Variants in MAP3K19 observed in about 807,000 individuals in gnomAD.
MAP3K19 encodes the protein SPS1/STE20-related protein kinase YSK4.
A neutral mutation model predicts 114.4 loss-of-function variants in MAP3K19; 91 were observed. That is an observed-to-expected ratio of 0.80 (90% CI 0.67 to 0.95). The LOEUF is 0.95. Ranked by LOEUF, MAP3K19 falls within the 40% of genes least tolerant of loss-of-function variation. The pLI is 0.00. For missense variants in MAP3K19, 1,471 were observed against 1,573.2 expected, an observed-to-expected ratio of 0.94 and a Z score of 1.10; for synonymous variants, 518 against 530.5, an observed-to-expected ratio of 0.98 and a Z score of 0.32.
intron 11 of MAP3K19, chr2:134,983,058 G>A: frequency 2.7e-6 from 1 of 375,756 alleles, no homozygotes; most frequent in Non-Finnish European, 5.3e-6. Context: ...TTTGTGTTGG[G>A]GGCATTTCAA....
intron 2 of MAP3K19, among the ~76,000 whole-genome samples, chr2:135,032,432 A>G (rs1462530423): frequency 4.0e-5 from 6 of 151,566 alleles, no homozygotes; most frequent in Non-Finnish European, 7.4e-5. Context: ...GAACTCCCCT[A>G]TGATCCAGCA....
At position 135,036,635 on chromosome 2, in the gene MAP3K19, TTATGTG is replaced by T. The variant is rs376039247; in HGVS notation, c.-284+3722_-284+3727del. The stretch of plus-strand genomic sequence containing the variant: ...GGAAATATTTAGTTGGAGTTCAACA[TTATGTG>T]TGTGTGTGTGTGTGTGTGTGTGTGT... On this transcript the variant is annotated intron_variant, in intron 2 of 12. Transcript: ENST00000392915. Among the ~76,000 whole-genome samples, 1,034 of 126,530 alleles carry T rather than the reference TTATGTG, an allele frequency of 8.2e-3. 11 individuals are homozygous for T. Among genetic ancestry groups the T allele is most frequent in the African/African-American group, 0.033 (957 of 29,392 alleles). The allele number at this position is 126,530 out of a possible 152,430, so 83.0% of individuals were successfully genotyped here. A position where few individuals can be genotyped will look rare whatever the true frequency, so the allele number is the denominator to read the frequency against.
chr2:135,001,374 T>C (rs1369303447), intron 6 of MAP3K19, among the ~76,000 whole-genome samples: 11 of 152,160 alleles, frequency 7.2e-5, no homozygotes, highest in Non-Finnish European at 1.5e-4. Context: ...GTTTTTTAAG[T>C]TTTCAAAGAG....
chr2:134,977,425 C>A (rs1011965251), intron 12 of MAP3K19, among the ~76,000 whole-genome samples: 1 of 129,230 alleles, frequency 7.7e-6, no homozygotes, highest in Non-Finnish European at 1.5e-5. Flanking sequence ...TGCAGTGGAG[C>A]AATCTCGGCT....
chr2:134,973,634 T>C (rs1330207381), intron 12 of MAP3K19, among the ~76,000 whole-genome samples: 1 of 152,198 alleles, frequency 6.6e-6, no homozygotes, highest in Non-Finnish European at 1.5e-5. Flanking sequence ...TTGTTGATTG[T>C]TTTCTGGTTG....
At position 134,986,970 on chromosome 2, in the gene MAP3K19, C is replaced by A. The variant is rs752311333; in HGVS notation, c.1902G>T (p.Pro634=). ...QKSCVPLSVQ[P]TEPRLNYLDL... is the part of the protein sequence containing the mutation. ...CTAGGTAATTTAGTCTTGGCTCTGT[C>A]GGTTGAACAGAGAGAGGAACACATG... The change falls in exon 10 of 13, where the codon CCG becomes CCT. Residue 634 remains proline, a synonymous_variant. Transcript: ENST00000392915. The A allele has an allele frequency of 3.1e-6, 5 of 1,613,530 alleles. No homozygotes were observed. The South Asian group carries it at 4.4e-5, about 14-fold the overall frequency.
At chr2:135,037,388 GC>G (rs1436091324) in intron 2 of MAP3K19, among the ~76,000 whole-genome samples, 1 of 152,194 alleles carries the variant, frequency 6.6e-6, no homozygotes, top group Non-Finnish European at 1.5e-5. Flanking sequence ...CTGTAGACTG[GC>G]CTCCTCCTGC....
chr2:135,042,406 G>A (rs1240496017), intron 1 of MAP3K19, among the ~76,000 whole-genome samples: 1 of 151,608 alleles, frequency 6.6e-6, no homozygotes, highest in Non-Finnish European at 1.5e-5. Context: ...GGAGGCTGAG[G>A]CAGGAGAATG....
Position 134,980,952 on chromosome 2 carries a change from C to G in MAP3K19, c.3789G>C (p.Gly1263=), listed in dbSNP as rs1466395042. The G allele has an allele frequency of 1.2e-6, 2 of 1,614,094 alleles. No individual in the cohort carries two copies. Among genetic ancestry groups the G allele is most frequent in the African/African-American group, 2.7e-5 (2 of 74,922 alleles). ...IGCTVFEMAT[G]KPPLASMDRM... ...TGTCCATGGAAGCCAGTGGAGGCTT[C>G]CCTGTAGCCATCTCAAACACAGTAC... is the stretch of plus-strand genomic sequence containing the variant. Residue 1263 remains glycine (G), a synonymous_variant, in exon 12 of 13, where the codon GGG becomes GGC. Coordinates refer to ENST00000392915, the MANE Select transcript of MAP3K19 (RefSeq NM_025052.5).
chr2:135,023,639 C>T, intron 4 of MAP3K19: 1 of 469,892 alleles, frequency 2.1e-6, no homozygotes, highest in Non-Finnish European at 4.4e-6. Context: ...AACATCACAT[C>T]TCGCAGTTCT....
At chr2:135,017,460 T>C (rs575353892) in intron 5 of MAP3K19, among the ~76,000 whole-genome samples, 1 of 152,290 alleles carries the variant, frequency 6.6e-6, no homozygotes, top group Admixed American at 6.5e-5. Context: ...TTTCACTTTG[T>C]ATGTTGTTAC....
At chr2:134,993,333 A>G (rs1685745741) in intron 8 of MAP3K19, among the ~76,000 whole-genome samples, 1 of 152,228 alleles carries the variant, frequency 6.6e-6, no homozygotes, top group African/African-American at 2.4e-5. Flanking sequence ...CAAGTCACCT[A>G]AGAAGAGGAC....
chr2:134,986,610 A>G lies in MAP3K19; in HGVS notation c.2262T>C (p.His754=). 1 of 1,614,028 alleles carries G rather than the reference A, an allele frequency of 6.2e-7. No individual in the cohort carries two copies. The highest frequency in any genetic ancestry group is 8.5e-7 in the Non-Finnish European group (1 of 1,179,894). ...AAATACCATCACCATTTTCAATGTC[A>G]TGTAGGTTGCTATGTACAGCCTTGG... ...KSSKAVHSNL[H]DIENGDGISE... Residue 754 remains histidine, a synonymous_variant, in exon 10 of 13, where the codon CAT becomes CAC. Transcript: ENST00000392915.
At chr2:135,019,007 A>G (rs1687788473) in intron 5 of MAP3K19, among the ~76,000 whole-genome samples, 1 of 151,942 alleles carries the variant, frequency 6.6e-6, no homozygotes, top group Non-Finnish European at 1.5e-5. Flanking sequence ...ATTGCTTGGG[A>G]GGCAGAGGTT....
At chr2:135,037,281 A>G (rs572105551) in intron 2 of MAP3K19, among the ~76,000 whole-genome samples, 1 of 152,220 alleles carries the variant, frequency 6.6e-6, no homozygotes, top group Non-Finnish European at 1.5e-5. Flanking sequence ...TACAGGCGTG[A>G]GCCATCACCT....
intron 12 of MAP3K19, among the ~76,000 whole-genome samples, chr2:134,972,745 T>C (rs1222544906): frequency 1.3e-5 from 2 of 152,206 alleles, no homozygotes; most frequent in Admixed American, 1.3e-4. Context: ...CCAATCTTCA[T>C]ACATTTTTGA....
intron 1 of MAP3K19, among the ~76,000 whole-genome samples, chr2:135,045,472 A>G (rs1433423745): frequency 6.6e-6 from 1 of 152,326 alleles, no homozygotes; most frequent in Non-Finnish European, 1.5e-5. Flanking sequence ...GGGGGAAAAA[A>G]GGTTTTCCGA....
At chr2:135,003,870 A>C (rs2105308377) in intron 6 of MAP3K19, among the ~76,000 whole-genome samples, 1 of 152,310 alleles carries the variant, frequency 6.6e-6, no homozygotes, top group South Asian at 2.1e-4. Context: ...AAGAGATTTA[A>C]ACCGATATTT....
chr2:134,997,057 C>CAACAAACAAACA (rs371868206), intron 8 of MAP3K19, among the ~76,000 whole-genome samples: 32 of 151,938 alleles, frequency 2.1e-4, no homozygotes, highest in African/African-American at 6.8e-4. Flanking sequence ...TCAAACAAAC[C>CAACAAACAAACA]AACAAACAAA....
Sources: allele counts gnomAD v4.1 joint callset (sites outside exome capture counted in the v4.1 genomes callset), GRCh38; gene constraint gnomAD v4.1.1; transcripts MANE v1.5; gene names NCBI Gene and HGNC (gene_info 2026-07-23, HGNC 2026-07-21).